The following SYT2 variants were observed in gnomAD, a reference collection of about 807,000 sequenced individuals.
SYT2 encodes the protein synaptotagmin-2.
SYT2 carries 15 observed loss-of-function variants against 39.9 expected under a neutral mutation model. That is an observed-to-expected ratio of 0.38 (90% CI 0.25 to 0.58). The LOEUF (loss-of-function observed/expected upper bound fraction) is 0.58. Among genes scored for constraint, SYT2 ranks in the 20% least tolerant of loss-of-function variants. SYT2 has a pLI of 0.70. For missense variants in SYT2, 389 were observed against 530.3 expected (o/e 0.73, Z 2.62); for synonymous variants, 181 against 204.5 (o/e 0.89, Z 0.98).
chr1:202,625,100 GTGTGTGGTGTGTGTGGTATGTGTGTC>G (rs1215930058), intron 1 of SYT2, among the ~76,000 whole-genome samples: 2 of 5,110 alleles, frequency 3.9e-4, no homozygotes, highest in African/African-American at 7.7e-4. Context: ...TGTGTGGTAT[GTGTGTGGTGTGTGTGGTATGTGTGTC>G]GTGTGTGTGG....
chr1:202,602,004 A>C lies in SYT2; in HGVS notation c.687T>G (p.Phe229Leu), dbSNP rs1690520691. 2.5e-6 allele frequency: 4 copies of C among 1,614,178 alleles called. No individual in the cohort carries two copies. The highest frequency in any genetic ancestry group is 3.4e-6 in the Non-Finnish European group (4 of 1,180,038). The change falls in exon 6 of 9, where the codon TTT becomes TTG. Residue 229 changes from phenylalanine (F) to leucine (L), a missense_variant. Around this residue, in one of 4 missense-constraint regions of SYT2, gnomAD observed 280 missense variants for 335.6 expected, o/e 0.83. Coordinates refer to ENST00000367268, the MANE Select transcript of SYT2 (RefSeq NM_177402.5). ...TGATGTCATGTTTGGAGAAGCGGTC[A>C]AAGTCATAGATGGCCATCACCAGAG... ...GKTLVMAIYD[F>L]DRFSKHDIIG...
At chr1:202,697,108 A>G (rs746316166) in intron 1 of SYT2, among the ~76,000 whole-genome samples, 2 of 152,346 alleles carry the variant, frequency 1.3e-5, no homozygotes, top group African/African-American at 2.4e-5. Context: ...CTTCACTGAG[A>G]GCATTAGCTC....
intron 1 of SYT2, among the ~76,000 whole-genome samples, chr1:202,621,200 G>C (rs1418820910): frequency 6.6e-6 from 1 of 152,180 alleles, no homozygotes; most frequent in Non-Finnish European, 1.5e-5. Context: ...ACGAAAATCT[G>C]CCTGTCTCTT....
At chr1:202,633,736 G>GAGAGAGCCAGAGCTA (rs1691663064) in intron 1 of SYT2, among the ~76,000 whole-genome samples, 2 of 152,118 alleles carry the variant, frequency 1.3e-5, no homozygotes, top group Non-Finnish European at 2.9e-5. Flanking sequence ...TAGAATCCAG[G>GAGAGAGCCAGAGCTA]GCCCTTTCCA....
At chr1:202,699,007 T>A (rs1292341484) in intron 1 of SYT2, among the ~76,000 whole-genome samples, 1 of 132,694 alleles carries the variant, frequency 7.5e-6, no homozygotes. Flanking sequence ...GTAACCAAAC[T>A]GTCTTTTTTT....
At chr1:202,674,716 C>G (rs1349333749) in intron 1 of SYT2, among the ~76,000 whole-genome samples, 1 of 152,114 alleles carries the variant, frequency 6.6e-6, no homozygotes, top group African/African-American at 2.4e-5. Flanking sequence ...TGGTATGAAA[C>G]CCCTACTGTT....
rs370713848 is a variant in SYT2, at chr1:202,667,324, T to TTC, written c.-18+42932_-18+42933dup. 4.5e-3 allele frequency among the ~76,000 whole-genome samples: 684 copies of TTC among 152,218 alleles called. 10 individuals are homozygous for TTC. The highest frequency in any genetic ancestry group is 0.016 in the African/African-American group (653 of 41,522). ...CACTTGAGGCAAAGAGAGAAAGGGA[T>TTC]TCTCCCCTCCTCCCACCCTACAGTC... is the stretch of plus-strand genomic sequence containing the variant. On this transcript the variant is annotated intron_variant, in intron 1 of 8. Coordinates refer to ENST00000367268, the MANE Select transcript of SYT2 (RefSeq NM_177402.5).
intron 1 of SYT2, among the ~76,000 whole-genome samples, chr1:202,655,098 G>C (rs1692257014): frequency 6.6e-6 from 1 of 152,158 alleles, no homozygotes; most frequent in African/African-American, 2.4e-5. Context: ...AAGAGCATGA[G>C]GTGGGTGTTG....
At chr1:202,680,153 C>G (rs1041474269) in intron 1 of SYT2, among the ~76,000 whole-genome samples, 3 of 152,200 alleles carry the variant, frequency 2.0e-5, no homozygotes, top group African/African-American at 7.2e-5. Context: ...CCAGCACAGG[C>G]CTGCACTTAG....
intron 1 of SYT2, among the ~76,000 whole-genome samples, chr1:202,617,050 T>C (rs1417600732): frequency 6.6e-6 from 1 of 152,256 alleles, no homozygotes; most frequent in Non-Finnish European, 1.5e-5. Context: ...AGCCCTAGCG[T>C]GGCCTACAGC....
intron 3 of SYT2, 169 bp downstream of exon 3, chr1:202,604,286 G>C (rs1294648852): frequency 3.0e-6 from 2 of 670,878 alleles, no homozygotes; most frequent in Non-Finnish European, 5.2e-6. Context: ...CCCCTCCCAG[G>C]GGCCTCCAGG....
intron 1 of SYT2, among the ~76,000 whole-genome samples, chr1:202,621,060 C>T (rs939298822): frequency 2.6e-5 from 4 of 152,152 alleles, no homozygotes; most frequent in Non-Finnish European, 5.9e-5. Context: ...ATTCACAGCA[C>T]GGCTCTGGAA....
At chr1:202,618,837 G>A (rs1691122607) in intron 1 of SYT2, among the ~76,000 whole-genome samples, 1 of 152,080 alleles carries the variant, frequency 6.6e-6, no homozygotes, top group Non-Finnish European at 1.5e-5. Flanking sequence ...TCCTTCTGAT[G>A]TGACCCCCTG....
At chr1:202,673,740 C>G (rs1449774838) in intron 1 of SYT2, among the ~76,000 whole-genome samples, 1 of 152,254 alleles carries the variant, frequency 6.6e-6, no homozygotes, top group Non-Finnish European at 1.5e-5. Flanking sequence ...CCATGGCTGT[C>G]TCCAGCCACC....
intron 1 of SYT2, among the ~76,000 whole-genome samples, chr1:202,677,378 T>G (rs2149111295): frequency 6.6e-6 from 1 of 152,238 alleles, no homozygotes; most frequent in East Asian, 1.9e-4. Context: ...TGACTAAGGC[T>G]AGGTAATGAA....
intron 1 of SYT2, among the ~76,000 whole-genome samples, chr1:202,689,957 G>C (rs937292973): frequency 1.3e-5 from 2 of 151,848 alleles, no homozygotes; most frequent in African/African-American, 4.8e-5. Context: ...CAGGAGGGCA[G>C]CATGAAACAT....
At chr1:202,608,781 G>A (rs1329155985) in intron 1 of SYT2, among the ~76,000 whole-genome samples, 2 of 151,916 alleles carry the variant, frequency 1.3e-5, no homozygotes, top group South Asian at 4.1e-4. Context: ...TGGAATTGCT[G>A]GGTCATAACT....
intron 1 of SYT2, among the ~76,000 whole-genome samples, chr1:202,669,995 C>T (rs1251706057): frequency 6.6e-6 from 1 of 152,134 alleles, no homozygotes; most frequent in Non-Finnish European, 1.5e-5. Context: ...CATTGAACAA[C>T]AGTGCCACCC....
At chr1:202,647,502 G>GC (rs1385595483) in intron 1 of SYT2, among the ~76,000 whole-genome samples, 2 of 151,754 alleles carry the variant, frequency 1.3e-5, no homozygotes, top group Non-Finnish European at 2.9e-5. Flanking sequence ...GCTGAACCCT[G>GC]CAACAGTAGC....
Sources: allele counts gnomAD v4.1 joint callset (sites outside exome capture counted in the v4.1 genomes callset), GRCh38; gene constraint gnomAD v4.1.1; regional missense constraint gnomAD v4.1.1; transcripts MANE v1.5; gene names NCBI Gene and HGNC (gene_info 2026-07-23, HGNC 2026-07-21).